Variants in CYB5R3 observed in about 807,000 individuals in gnomAD.
The protein encoded by CYB5R3 is NADH-cytochrome b5 reductase 3.
Under a neutral mutation model 36.5 loss-of-function variants are expected in CYB5R3, and 28 were observed. The ratio of observed to expected loss-of-function variants is 0.77; its 90% CI spans 0.57 to 1.05. The LOEUF (loss-of-function observed/expected upper bound fraction) is 1.05, where lower values mean the gene tolerates loss of function less well. Ranked by LOEUF, CYB5R3 falls within the 50% of genes least tolerant of loss-of-function variation. The probability of loss-of-function intolerance (pLI) is 0.00; values close to 1 mark genes in which losing one functional copy is unlikely to be tolerated. For missense variants in CYB5R3, 474 were observed against 408.9 expected (o/e 1.16, Z -1.37); for synonymous variants, 181 against 159.8 (o/e 1.13, Z -1.00).
intron 5 of CYB5R3, among the ~76,000 whole-genome samples, chr22:42,627,940 C>T (rs8190448): frequency 2.5e-4 from 38 of 152,204 alleles, no homozygotes; most frequent in African/African-American, 6.3e-4. Context: ...GTGGGTGAGA[C>T]GTGGCCCCCA....
intron 1 of CYB5R3, chr22:42,640,047 G>T: frequency 1.9e-6 from 3 of 1,613,652 alleles, no homozygotes; most frequent in Non-Finnish European, 2.5e-6. Flanking sequence ...CCACCAAACC[G>T]TTCAGCAAAG....
At chr22:42,627,472 A>G (rs1928340744) in intron 6 of CYB5R3, 83 bp from the exon 7 acceptor site, 1 of 1,504,414 alleles carries the variant, frequency 6.6e-7, no homozygotes, top group Non-Finnish European at 9.2e-7. Context: ...ACTGGGGTGG[A>G]GGGGCCAGGA....
At chr22:42,629,487 A>C (rs985666373) in intron 4 of CYB5R3, among the ~76,000 whole-genome samples, 2 of 152,146 alleles carry the variant, frequency 1.3e-5, no homozygotes, top group African/African-American at 4.8e-5. Context: ...CCCTGCAGGG[A>C]GCACTGGCTT....
At chr22:42,629,119 T>G (rs994332160) in intron 4 of CYB5R3, among the ~76,000 whole-genome samples, 27 of 152,142 alleles carry the variant, frequency 1.8e-4, no homozygotes, top group African/African-American at 6.5e-4. Flanking sequence ...TGAATCCTCC[T>G]AATAGCTTCT....
chr22:42,648,439 G>A (rs1285051892), intron 1 of CYB5R3, among the ~76,000 whole-genome samples: 1 of 152,234 alleles, frequency 6.6e-6, no homozygotes, highest in Non-Finnish European at 1.5e-5. Flanking sequence ...GTCAACTTTT[G>A]AGAAACTGGG....
At position 42,618,122 on chromosome 22, in the gene CYB5R3, G is replaced by C. The variant is rs372053271; in HGVS notation, c.*1651C>G. The C allele has an allele frequency of 6.6e-6, 1 of 152,290 alleles. No individual in the cohort carries two copies. The highest frequency in any genetic ancestry group is 2.4e-5 in the African/African-American group (1 of 41,440). The allele number at this position is 152,290 out of a possible 1,614,324, so 9.4% of individuals were successfully genotyped here. A position where few individuals can be genotyped will look rare whatever the true frequency, so the allele number is the denominator to read the frequency against. ...CCCTGACAGGAGGCAGCAGCCTCGC[G>C]GTGCATTGGGGTGACTGGGGTTGCG... On this transcript the variant is annotated 3_prime_UTR_variant, in exon 9 of 9. Transcript: ENST00000352397.
intron 1 of CYB5R3, chr22:42,644,680 G>A (rs955156487): frequency 2.8e-5 from 28 of 985,104 alleles, no homozygotes; most frequent in East Asian, 1.1e-4. Flanking sequence ...CAGAAACCAC[G>A]CCCACGTGGA....
rs752228437 is a variant in CYB5R3 at position 42,628,241 on chromosome 22, C to T, written c.374G>A (p.Gly125Glu). Residue 125 changes from glycine to glutamate, a missense_variant, in exon 5 of 9, where the codon GGG (glycine) becomes GAG (glutamate). Physicochemically the swap from Gly to Glu is moderately conservative, Grantham distance 98. Coordinates refer to ENST00000352397, the MANE Select transcript of CYB5R3 (RefSeq NM_000398.7). ...KDTHPKFPAGGKMSQYLESMQ... is the reference protein window; with the variant it reads ...KDTHPKFPAGEKMSQYLESMQ... ...GCTCTCCAGGTACTGAGACATCTTC[C>T]CTCCAGCGGGAAACTTGGGATGGGT... 1 of 1,614,004 alleles carries T rather than the reference C, an allele frequency of 6.2e-7. No homozygotes were observed. The highest frequency in any genetic ancestry group is 2.2e-5 in the East Asian group (1 of 44,890).
chr22:42,619,640 A>T lies in CYB5R3; in HGVS notation c.*133T>A. ...GGGGCTCCAGGGGAACTGCTCAGCC[A>T]GGTGATTCACCAGGGCACGGGCAGG... is the stretch of plus-strand genomic sequence containing the variant. On this transcript the variant is annotated 3_prime_UTR_variant, in exon 9 of 9. Transcript: ENST00000352397. The T allele has an allele frequency of 1.2e-6, 1 of 824,322 alleles. No individual in the cohort carries two copies. The highest frequency in any genetic ancestry group is 1.9e-6 in the Non-Finnish European group (1 of 526,044). 51.1% of individuals were successfully genotyped at this position (824,322 alleles called of 1,614,324 possible). A position where few individuals can be genotyped will look rare whatever the true frequency, so the allele number is the denominator to read the frequency against.
intron 1 of CYB5R3, among the ~76,000 whole-genome samples, chr22:42,647,509 A>C (rs8190384): frequency 0.015 from 2,291 of 152,288 alleles, 33 homozygotes; most frequent in Non-Finnish European, 0.022. Context: ...GCACTTTGGG[A>C]GGCTGAGGCA....
intron 8 of CYB5R3, 78 bp downstream of exon 8, chr22:42,623,711 A>T (rs915180853): frequency 1.6e-6 from 2 of 1,273,642 alleles, no homozygotes; most frequent in East Asian, 4.6e-5. Context: ...CAAAGGCTCA[A>T]CGCCACAAAC....
chr22:42,648,863 C>CG (rs1219707132), intron 1 of CYB5R3, among the ~76,000 whole-genome samples: 1 of 152,158 alleles, frequency 6.6e-6, no homozygotes, highest in Non-Finnish European at 1.5e-5. Flanking sequence ...CCCCATCACA[C>CG]GTTTCCATGC....
rs1284821468 is a variant in CYB5R3, at chr22:42,630,799, T to C, written c.333+83A>G. Reference sequence around the variant, plus strand: ...GCTGCACAGGGCAGGAGCGGGAGACTTCCCTGTCCAGGGGGTCCACATGGG... The same window carrying C: ...GCTGCACAGGGCAGGAGCGGGAGACCTCCCTGTCCAGGGGGTCCACATGGG... On this transcript the variant is annotated intron_variant, in intron 4 of 8. Transcript: ENST00000352397. 7.3e-6 allele frequency: 9 copies of C among 1,231,540 alleles called. No homozygotes were observed. In the Admixed American group the frequency reaches 1.8e-4, roughly 24 times the overall value. 76.3% of individuals were successfully genotyped at this position (1,231,540 alleles called of 1,614,324 possible).
chr22:42,620,149 C>T (rs1489623396), intron 8 of CYB5R3, among the ~76,000 whole-genome samples: 2 of 152,222 alleles, frequency 1.3e-5, no homozygotes, highest in African/African-American at 4.8e-5. Context: ...GTACAAAGCC[C>T]ATCATGGTTC....
chr22:42,646,647 CCT>C (rs1177558419), intron 1 of CYB5R3: 2 of 985,508 alleles, frequency 2.0e-6, no homozygotes, highest in African/African-American at 3.5e-5. Flanking sequence ...TTACCTGTCC[CCT>C]GCCTGCCCGC....
At chr22:42,625,838 A>AT (rs1335666387) in intron 7 of CYB5R3, among the ~76,000 whole-genome samples, 2 of 152,032 alleles carry the variant, frequency 1.3e-5, no homozygotes, top group Non-Finnish European at 2.9e-5. Flanking sequence ...AGACACTGGT[A>AT]TTTTTCACTC....
rs67349863 is a variant in CYB5R3, at chr22:42,638,728, T to TAAAAAAAA, written c.22-1890_22-1883dup. 2.9e-4 allele frequency among the ~76,000 whole-genome samples: 14 copies of TAAAAAAAA among 47,514 alleles called. 1 individual carries two copies. Among genetic ancestry groups the TAAAAAAAA allele is most frequent in the Middle Eastern group, 0.013 (1 of 80 alleles). The allele number at this position is 47,514 out of a possible 152,430, so 31.2% of individuals were successfully genotyped here. ...GCCTGGGAGACAGAGCAAGACTCCA[T>TAAAAAAAA]AAAAAAAAAAAAAAAAAAAAAAGGC... is the stretch of plus-strand genomic sequence containing the variant. On this transcript the variant is annotated intron_variant, in intron 1 of 8. Coordinates refer to ENST00000352397, the MANE Select transcript of CYB5R3 (RefSeq NM_000398.7).
intron 2 of CYB5R3, chr22:42,633,348 T>C (rs935007498): frequency 7.9e-5 from 12 of 152,310 alleles, no homozygotes; most frequent in Non-Finnish European, 1.6e-4. Context: ...GATACCCACA[T>C]AGGGTCTGGC....
At chr22:42,647,299 C>T (rs527765816) in intron 1 of CYB5R3, among the ~76,000 whole-genome samples, 207 of 152,320 alleles carry the variant, frequency 1.4e-3, no homozygotes, top group Non-Finnish European at 2.4e-3. Context: ...TTACAGAGGA[C>T]TGCTCAGCCA....
Sources: allele counts gnomAD v4.1 joint callset (sites outside exome capture counted in the v4.1 genomes callset), GRCh38; gene constraint gnomAD v4.1.1; transcripts MANE v1.5; gene names NCBI Gene and HGNC (gene_info 2026-07-23, HGNC 2026-07-21).